The following KCMF1 variants were observed in gnomAD, a reference collection of about 807,000 sequenced individuals.
The protein encoded by KCMF1 is E3 ubiquitin-protein ligase KCMF1.
Under a neutral mutation model 41.1 loss-of-function variants are expected in KCMF1, and 3 were observed. The observed-to-expected ratio is 0.07, with a 90% CI of 0.03 to 0.19. The LOEUF is 0.19. KCMF1 is among the 10% of genes least tolerant of loss of function. The pLI, the probability that KCMF1 is intolerant of heterozygous loss-of-function variation, is 1.00. For missense variants in KCMF1, 286 were observed against 488.9 expected, an observed-to-expected ratio of 0.58 and a Z score of 3.91; for synonymous variants, 142 against 164.5, an observed-to-expected ratio of 0.86 and a Z score of 1.04.
chr2:84,998,729 A>G (rs1280043279), intron 1 of KCMF1, among the ~76,000 whole-genome samples: 1 of 151,092 alleles, frequency 6.6e-6, no homozygotes, highest in Non-Finnish European at 1.5e-5. Context: ...CAGCCTCCCA[A>G]GTAGCTGGGA....
intron 1 of KCMF1, among the ~76,000 whole-genome samples, chr2:84,976,563 A>G (rs1673550294): frequency 6.6e-6 from 1 of 151,750 alleles, no homozygotes; most frequent in Admixed American, 6.6e-5. Flanking sequence ...TGAGATTTCA[A>G]GCCGGTTGCA....
In KCMF1 at chr2:84,994,588, A is replaced by C. The variant is rs1020259444; in HGVS notation, c.16+23121A>C. Among the ~76,000 whole-genome samples the C allele has an allele frequency of 2.0e-5, 3 of 152,056 alleles. No individual in the cohort carries two copies. In the East Asian group the frequency reaches 5.8e-4, roughly 30 times the overall value. On this transcript the variant is annotated intron_variant, in intron 1 of 6. Transcript: ENST00000409785. ...CCAGCTAATTTTGCATTTTTAGTAG[A>C]AACGGGGTTTCTCCATGTTGGTCAG...
chr2:84,983,095 C>A (rs1237697617), intron 1 of KCMF1, among the ~76,000 whole-genome samples: 1 of 152,110 alleles, frequency 6.6e-6, no homozygotes, highest in Non-Finnish European at 1.5e-5. Context: ...TAAAAGCCAC[C>A]ATTGGAAGAG....
In KCMF1 at chr2:85,049,560, A is replaced by G. The variant is rs1323566834; in HGVS notation, c.796A>G (p.Thr266Ala). 6.2e-7 allele frequency: 1 copy of G among 1,614,000 alleles called. No homozygotes were observed. Among genetic ancestry groups the G allele is most frequent in the East Asian group, 2.2e-5 (1 of 44,884 alleles). ...RRTNTSSVTT[T>A]ITQSTATTNI... ...TACTAACACAAGCAGTGTCACCACT[A>G]CAATCACACAATCCACAGCAACAAC... The change falls in exon 6 of 7, where the codon ACA becomes GCA. Residue 266 changes from threonine (T) to alanine (A), a missense_variant. This residue lies in a region of KCMF1 where 191 missense variants were observed against 279.3 expected (regional missense o/e 0.68). Transcript: ENST00000409785.
chr2:85,022,615 T>C (rs1245113817), intron 1 of KCMF1, among the ~76,000 whole-genome samples: 2 of 152,002 alleles, frequency 1.3e-5, no homozygotes. Flanking sequence ...GGAAGGGACT[T>C]TTAAAAATAA....
At chr2:85,019,593 A>G (rs1672524716) in intron 1 of KCMF1, among the ~76,000 whole-genome samples, 1 of 152,092 alleles carries the variant, frequency 6.6e-6, no homozygotes, top group Non-Finnish European at 1.5e-5. Flanking sequence ...ACTTCCCTCG[A>G]CTTCTTATTC....
At chr2:84,989,553 G>A (rs1673987028) in intron 1 of KCMF1, among the ~76,000 whole-genome samples, 1 of 152,190 alleles carries the variant, frequency 6.6e-6, no homozygotes, top group Non-Finnish European at 1.5e-5. Flanking sequence ...GAAGGTATAG[G>A]AGGGAGACAG....
chr2:84,996,517 C>T (rs1416588550), intron 1 of KCMF1, among the ~76,000 whole-genome samples: 1 of 146,246 alleles, frequency 6.8e-6, no homozygotes. Flanking sequence ...CTCACTGGAA[C>T]CTCCGCCTCC....
chr2:84,985,869 C>T (rs915358264), intron 1 of KCMF1, among the ~76,000 whole-genome samples: 2 of 151,326 alleles, frequency 1.3e-5, no homozygotes, highest in African/African-American at 2.4e-5. Flanking sequence ...AGGTCATCTA[C>T]ATACATTAGC....
chr2:84,989,446 G>T (rs1247250858), intron 1 of KCMF1, among the ~76,000 whole-genome samples: 1 of 152,162 alleles, frequency 6.6e-6, no homozygotes, highest in Non-Finnish European at 1.5e-5. Context: ...AGGGTAGGGT[G>T]ATGAGGAGTG....
At chr2:85,019,746 G>A (rs1337558280) in intron 1 of KCMF1, among the ~76,000 whole-genome samples, 1 of 150,050 alleles carries the variant, frequency 6.7e-6, no homozygotes, top group African/African-American at 2.5e-5. Flanking sequence ...GTATATATAT[G>A]TATATATGTG....
At chr2:85,046,924 A>C (rs1675679038) in intron 5 of KCMF1, among the ~76,000 whole-genome samples, 1 of 152,264 alleles carries the variant, frequency 6.6e-6, no homozygotes, top group Middle Eastern at 3.4e-3. Flanking sequence ...CATAACTTTC[A>C]TAGTATATTT....
At chr2:84,996,821 A>G (rs1290184389) in intron 1 of KCMF1, among the ~76,000 whole-genome samples, 1 of 152,136 alleles carries the variant, frequency 6.6e-6, no homozygotes, top group African/African-American at 2.4e-5. Flanking sequence ...TTCTTTGCTT[A>G]ATGAGAGGGA....
chr2:85,005,409 C>T (rs888052239), intron 1 of KCMF1, among the ~76,000 whole-genome samples: 1 of 151,962 alleles, frequency 6.6e-6, no homozygotes, highest in African/African-American at 2.4e-5. Context: ...CTCCCTCAGC[C>T]TCCTGAGTAG....
chr2:84,980,053 G>C (rs1481469874), intron 1 of KCMF1, among the ~76,000 whole-genome samples: 1 of 151,164 alleles, frequency 6.6e-6, no homozygotes. Context: ...GGCTGGTCTT[G>C]AACTCCTGAC....
At chr2:85,020,582 C>CGTAG (rs1203920927) in intron 1 of KCMF1, among the ~76,000 whole-genome samples, 1 of 152,144 alleles carries the variant, frequency 6.6e-6, no homozygotes, top group Non-Finnish European at 1.5e-5. Flanking sequence ...CTCACCACTA[C>CGTAG]ACCTGGCTAA....
Position 85,049,664 on chromosome 2 carries a change from A to C in KCMF1, c.884+16A>C, listed in dbSNP as rs200409567. The stretch of plus-strand genomic sequence containing the variant: ...TTTTAACAAGGTAGCTCATTTGTTA[A>C]TAGAATTTTGTTTGGGAAGTAATAT... On this transcript the variant is annotated intron_variant, in intron 6 of 6. Transcript: ENST00000409785. 4.5e-5 allele frequency: 71 copies of C among 1,595,212 alleles called. No homozygotes were observed. Among genetic ancestry groups the C allele is most frequent in the Middle Eastern group, 1.7e-4 (1 of 6,028 alleles).
intron 1 of KCMF1, among the ~76,000 whole-genome samples, chr2:85,023,550 T>G (rs1057031652): frequency 6.6e-5 from 10 of 151,830 alleles, no homozygotes; most frequent in African/African-American, 2.4e-4. Flanking sequence ...GTCGATCTAC[T>G]GACCTTGTGA....
chr2:85,009,036 C>T (rs763887492), intron 1 of KCMF1, among the ~76,000 whole-genome samples: 13 of 152,002 alleles, frequency 8.6e-5, no homozygotes, highest in Non-Finnish European at 1.2e-4. Context: ...AGCCTTGATG[C>T]GTACTTTTGT....
Sources: gnomAD v4.1 joint callset for allele counts (sites outside exome capture counted in the v4.1 genomes callset) on GRCh38, gnomAD v4.1.1 for gene constraint, gnomAD v4.1.1 regional missense constraint, MANE v1.5 for transcripts, NCBI Gene and HGNC (gene_info 2026-07-23, HGNC 2026-07-21) for gene names.